RORA: variants seen among roughly 807,000 people sequenced by gnomAD.
RORA encodes RAR related orphan receptor A.
RORA carries 7 observed loss-of-function variants against 69.5 expected under a neutral mutation model. The ratio of observed to expected loss-of-function variants is 0.10; its 90% CI spans 0.06 to 0.19. The LOEUF (loss-of-function observed/expected upper bound fraction) is 0.19. Among genes scored for constraint, RORA ranks in the 10% least tolerant of loss-of-function variants. The pLI is 1.00. For missense variants in RORA, 457 were observed against 663.0 expected (o/e 0.69, Z 3.41); for synonymous variants, 261 against 240.8 (o/e 1.08, Z -0.78).
At chr15:60,798,780 T>A (rs572719497) in intron 1 of RORA, among the ~76,000 whole-genome samples, 1 of 152,190 alleles carries the variant, frequency 6.6e-6, no homozygotes, top group Admixed American at 6.5e-5. Flanking sequence ...GGTAAGTTAC[T>A]TCCCCTCTCT....
chr15:60,675,848 T>C (rs138959984), intron 2 of RORA, among the ~76,000 whole-genome samples: 2 of 152,350 alleles, frequency 1.3e-5, no homozygotes, highest in African/African-American at 4.8e-5. Flanking sequence ...TCTGATAATA[T>C]ATTCTGCAGC....
chr15:61,197,654 C>T (rs1345833075), intron 1 of RORA, among the ~76,000 whole-genome samples: 1 of 152,138 alleles, frequency 6.6e-6, no homozygotes, highest in African/African-American at 2.4e-5. Context: ...CACTGGGAAC[C>T]GTCAAGATGT....
chr15:60,794,535 A>T (rs990650030), intron 1 of RORA, among the ~76,000 whole-genome samples: 2 of 152,210 alleles, frequency 1.3e-5, no homozygotes, highest in African/African-American at 4.8e-5. Flanking sequence ...GGTGCATACC[A>T]CTGAGCCAAA....
rs141377096 is a variant in RORA, at chr15:60,832,689, C to A, written c.167-154003G>T. 6.6e-5 allele frequency among the ~76,000 whole-genome samples: 10 copies of A among 152,046 alleles called. No homozygotes were observed. The East Asian group carries it at 1.9e-3, about 29-fold the overall frequency. ...AAAAAATGGAGGTGGGGTGGAGAGTCGATTCATCAAAATTTAAATATGCCA... is the reference window on the plus strand; with the variant it reads ...AAAAAATGGAGGTGGGGTGGAGAGTAGATTCATCAAAATTTAAATATGCCA... On this transcript the variant is annotated intron_variant, in intron 1 of 10. Transcript: ENST00000335670.
intron 1 of RORA, among the ~76,000 whole-genome samples, chr15:61,045,991 C>A (rs1897001250): frequency 6.6e-6 from 1 of 152,148 alleles, no homozygotes; most frequent in Non-Finnish European, 1.5e-5. Flanking sequence ...GCAACAACCT[C>A]AGACCAGAAC....
chr15:60,911,651 T>A (rs888306227), intron 1 of RORA, among the ~76,000 whole-genome samples: 1 of 151,988 alleles, frequency 6.6e-6, no homozygotes, highest in African/African-American at 2.4e-5. Context: ...AAGCAATTCG[T>A]TTTGGGAGAA....
intron 1 of RORA, among the ~76,000 whole-genome samples, chr15:60,693,627 C>CA (rs2070861526): frequency 6.6e-6 from 1 of 152,164 alleles, no homozygotes; most frequent in South Asian, 2.1e-4. Context: ...GCAAAAATCA[C>CA]AAACATTCCT....
chr15:60,705,244 G>T (rs753170786), intron 1 of RORA, among the ~76,000 whole-genome samples: 23 of 152,120 alleles, frequency 1.5e-4, no homozygotes, highest in African/African-American at 4.8e-4. Context: ...TTGAAGGCAG[G>T]GCTTGTATTA....
chr15:60,982,003 G>A (rs890645660), intron 1 of RORA, among the ~76,000 whole-genome samples: 3 of 152,062 alleles, frequency 2.0e-5, no homozygotes, highest in Admixed American at 6.6e-5. Context: ...TCACTTTTCC[G>A]AATTACTTCC....
At chr15:60,795,480 C>G (rs2072482700) in intron 1 of RORA, among the ~76,000 whole-genome samples, 2 of 152,328 alleles carry the variant, frequency 1.3e-5, no homozygotes, top group South Asian at 4.1e-4. Flanking sequence ...ACTGTTTAGA[C>G]TGGAAGCTCC....
At chr15:60,727,997 T>C (rs2071383294) in intron 1 of RORA, among the ~76,000 whole-genome samples, 1 of 152,212 alleles carries the variant, frequency 6.6e-6, no homozygotes, top group South Asian at 2.1e-4. Flanking sequence ...ACATCCCCAC[T>C]TTAACTCGGA....
chr15:60,670,495 C>G (rs1419729974), intron 2 of RORA, among the ~76,000 whole-genome samples: 1 of 152,126 alleles, frequency 6.6e-6, no homozygotes, highest in Non-Finnish European at 1.5e-5. Context: ...CAAGCGTGAG[C>G]CACCATGCCC....
intron 1 of RORA, among the ~76,000 whole-genome samples, chr15:60,924,794 T>C (rs1892158541): frequency 6.6e-6 from 1 of 152,124 alleles, no homozygotes; most frequent in African/African-American, 2.4e-5. Flanking sequence ...TTAAAGGTAA[T>C]CAGGCCAGGC....
intron 2 of RORA, among the ~76,000 whole-genome samples, chr15:60,654,825 C>G (rs1343238291): frequency 6.6e-6 from 1 of 152,172 alleles, no homozygotes; most frequent in Admixed American, 6.5e-5. Flanking sequence ...GACAAGGAAT[C>G]CAGGTAGCCT....
At chr15:61,196,806 A>T (rs1400692395) in intron 1 of RORA, among the ~76,000 whole-genome samples, 1 of 152,234 alleles carries the variant, frequency 6.6e-6, no homozygotes, top group Non-Finnish European at 1.5e-5. Flanking sequence ...ATTTTAAGAC[A>T]CATAATCCAG....
At chr15:60,617,551 C>T (rs561730144) in intron 2 of RORA, among the ~76,000 whole-genome samples, 4 of 151,768 alleles carry the variant, frequency 2.6e-5, no homozygotes, top group East Asian at 1.9e-4. Flanking sequence ...AATTTCAATG[C>T]GTGTTACAGA....
intron 1 of RORA, among the ~76,000 whole-genome samples, chr15:61,037,601 C>T (rs1896525722): frequency 6.6e-6 from 1 of 152,146 alleles, no homozygotes; most frequent in African/African-American, 2.4e-5. Context: ...GAAGAGATGA[C>T]CTTGGAATGC....
At chr15:60,725,988 CA>C (rs1256465140) in intron 1 of RORA, among the ~76,000 whole-genome samples, 2 of 152,130 alleles carry the variant, frequency 1.3e-5, no homozygotes, top group East Asian at 3.9e-4. Flanking sequence ...GGGCACACAA[CA>C]TTTTTTGAAT....
intron 1 of RORA, 139 bp downstream of exon 1, chr15:61,228,914 G>A (rs1422307322): frequency 1.2e-5 from 2 of 173,484 alleles, no homozygotes; most frequent in African/African-American, 4.8e-5. Context: ...AGGGGAGGGG[G>A]GTCCTCCGGG....
Sources: gnomAD v4.1 joint callset for allele counts (sites outside exome capture counted in the v4.1 genomes callset) on GRCh38, gnomAD v4.1.1 for gene constraint, MANE v1.5 for transcripts, NCBI Gene and HGNC (gene_info 2026-07-23, HGNC 2026-07-21) for gene names.